MAD1L1: variants seen among roughly 807,000 people sequenced by gnomAD.
The protein encoded by MAD1L1 is mitotic spindle assembly checkpoint protein MAD1.
A neutral mutation model predicts 96.9 loss-of-function variants in MAD1L1; 95 were observed. That is an observed-to-expected ratio of 0.98 (90% CI 0.83 to 1.16). MAD1L1 has a LOEUF of 1.16. Among genes scored for constraint, MAD1L1 ranks in the 50% most tolerant of loss-of-function variants. MAD1L1 has a pLI of 0.00. For missense variants in MAD1L1, 1,007 were observed against 954.4 expected (o/e 1.06, Z -0.73); for synonymous variants, 473 against 396.6 (o/e 1.19, Z -2.29).
intron 12 of MAD1L1, among the ~76,000 whole-genome samples, chr7:2,025,768 T>C (rs968532103): frequency 6.6e-6 from 1 of 152,204 alleles, no homozygotes; most frequent in Non-Finnish European, 1.5e-5. Context: ...GACCCTTGGA[T>C]TGTCTAGAAG....
chr7:1,921,712 A>G (rs1255815527), intron 17 of MAD1L1, among the ~76,000 whole-genome samples: 1 of 152,246 alleles, frequency 6.6e-6, no homozygotes, highest in East Asian at 1.9e-4. Flanking sequence ...AAAAAAACAA[A>G]AGATCTGAAT....
At chr7:2,083,306 C>CG (rs751109730) in intron 11 of MAD1L1, among the ~76,000 whole-genome samples, 87 of 152,328 alleles carry the variant, frequency 5.7e-4, no homozygotes, top group African/African-American at 2.0e-3. Context: ...CCGTGCCGGG[C>CG]GGGGGGCTTG....
At chr7:1,924,410 G>A (rs1788980105) in intron 17 of MAD1L1, among the ~76,000 whole-genome samples, 1 of 152,178 alleles carries the variant, frequency 6.6e-6, no homozygotes, top group African/African-American at 2.4e-5. Context: ...GAGGGGAAAG[G>A]GGAGATTTCT....
intron 13 of MAD1L1, among the ~76,000 whole-genome samples, chr7:2,006,594 A>C (rs1782040285): frequency 6.6e-6 from 1 of 151,394 alleles, no homozygotes; most frequent in South Asian, 2.1e-4. Flanking sequence ...CCAGCACAGA[A>C]GAGAGAGGAC....
intron 10 of MAD1L1, among the ~76,000 whole-genome samples, chr7:2,169,429 A>C (rs954677676): frequency 6.7e-4 from 102 of 152,246 alleles, no homozygotes; most frequent in Non-Finnish European, 1.2e-3. Context: ...CAAGGAAAAA[A>C]AGTATTTAGG....
At chr7:1,986,060 A>G (rs1781125179) in intron 14 of MAD1L1, among the ~76,000 whole-genome samples, 1 of 152,136 alleles carries the variant, frequency 6.6e-6, no homozygotes, top group South Asian at 2.1e-4. Flanking sequence ...TTTACTGCTC[A>G]CTGCTGAAGA....
intron 17 of MAD1L1, among the ~76,000 whole-genome samples, chr7:1,907,395 T>G (rs1425730468): frequency 6.6e-6 from 1 of 152,236 alleles, no homozygotes; most frequent in East Asian, 1.9e-4. Flanking sequence ...CATTTTTCTT[T>G]CTAAACAATG....
At chr7:2,134,133 C>T (rs1788645661) in intron 11 of MAD1L1, among the ~76,000 whole-genome samples, 1 of 152,216 alleles carries the variant, frequency 6.6e-6, no homozygotes, top group African/African-American at 2.4e-5. Flanking sequence ...TTGACTCCTC[C>T]TACCCGTGAA....
At chr7:2,145,463 A>G (rs529224756) in intron 11 of MAD1L1, among the ~76,000 whole-genome samples, 3 of 152,354 alleles carry the variant, frequency 2.0e-5, no homozygotes, top group Admixed American at 1.3e-4. Flanking sequence ...ATTCAGACAG[A>G]AACTTCAGTC....
intron 17 of MAD1L1, among the ~76,000 whole-genome samples, chr7:1,904,155 T>C (rs1242218832): frequency 6.2e-5 from 9 of 144,136 alleles, no homozygotes; most frequent in South Asian, 2.2e-4. Context: ...CAGTGGCCTA[T>C]GGAAGACGCT....
chr7:1,852,263 C>T (rs1418842559), intron 18 of MAD1L1, among the ~76,000 whole-genome samples: 7 of 152,178 alleles, frequency 4.6e-5, no homozygotes, highest in Admixed American at 2.6e-4. Context: ...TCAGGGATGA[C>T]GGCAGCTGGG....
chr7:1,908,088 T>C lies in MAD1L1; in HGVS notation c.1808-9698A>G, dbSNP rs367678867. Among the ~76,000 whole-genome samples, 17 of 152,310 alleles carry C rather than the reference T, an allele frequency of 1.1e-4. No homozygotes were observed. In the East Asian group the frequency reaches 2.3e-3, roughly 21 times the overall value. On this transcript the variant is annotated intron_variant, in intron 17 of 18. Coordinates refer to ENST00000265854, the MANE Select transcript of MAD1L1 (RefSeq NM_001013836.2). ...GTTTGCCCACACACGGTCCCAACGA[T>C]GTAGCACAGCCTGGGCACAGCACCT...
chr7:2,108,925 G>A (rs1234475705), intron 11 of MAD1L1, among the ~76,000 whole-genome samples: 2 of 152,228 alleles, frequency 1.3e-5, no homozygotes, highest in Non-Finnish European at 2.9e-5. Context: ...CTGGGGAAGT[G>A]CAGGGCCCCC....
At chr7:2,219,479 A>G (rs1346200678) in intron 5 of MAD1L1, 23 bp from the exon 6 acceptor site, 2 of 1,610,578 alleles carry the variant, frequency 1.2e-6, no homozygotes, top group Admixed American at 1.7e-5. Context: ...GGGACCAGAG[A>G]GCCGCTCAGT....
At chr7:1,891,583 CTTATTA>C (rs1562495950) in intron 18 of MAD1L1, among the ~76,000 whole-genome samples, 2 of 151,912 alleles carry the variant, frequency 1.3e-5, no homozygotes, top group African/African-American at 2.4e-5. Flanking sequence ...AAACTTTATT[CTTATTA>C]TTATTAGAGA....
At chr7:2,141,112 C>T (rs1008402610) in intron 11 of MAD1L1, among the ~76,000 whole-genome samples, 1 of 152,242 alleles carries the variant, frequency 6.6e-6, no homozygotes, top group East Asian at 1.9e-4. Context: ...ACGCTGGACC[C>T]GGCCCCGTCA....
At chr7:2,104,803 C>A (rs1787003274) in intron 11 of MAD1L1, among the ~76,000 whole-genome samples, 1 of 152,240 alleles carries the variant, frequency 6.6e-6, no homozygotes, top group Non-Finnish European at 1.5e-5. Context: ...GCACAGGTCA[C>A]ATAAATCACT....
At chr7:1,852,449 G>A (rs1784027875) in intron 18 of MAD1L1, among the ~76,000 whole-genome samples, 1 of 152,168 alleles carries the variant, frequency 6.6e-6, no homozygotes, top group Non-Finnish European at 1.5e-5. Flanking sequence ...GGGGAGTCCA[G>A]GCTCAGGATC....
chr7:2,142,214 C>T lies in MAD1L1; in HGVS notation c.1073+6938G>A, dbSNP rs1034320582. ...AAGGGCCCACACTAGCCAAACTAAC[C>T]CGAGCAGCCTTCGCCAAAGAACAAG... On this transcript the variant is annotated intron_variant, in intron 11 of 18. Coordinates refer to ENST00000265854, the MANE Select transcript of MAD1L1 (RefSeq NM_001013836.2). The surrounding 1 kb of genome is among the most constrained non-coding windows in gnomAD (Gnocchi z 4.7). Among the ~76,000 whole-genome samples, 2 of 152,230 alleles carry T rather than the reference C, an allele frequency of 1.3e-5. No homozygotes were observed. The highest frequency in any genetic ancestry group is 4.8e-5 in the African/African-American group (2 of 41,464).
Sources: gnomAD v4.1 joint callset for allele counts (sites outside exome capture counted in the v4.1 genomes callset) on GRCh38, gnomAD v4.1.1 for gene constraint, Gnocchi (gnomAD v3.1) non-coding constraint, MANE v1.5 for transcripts, NCBI Gene and HGNC (gene_info 2026-07-23, HGNC 2026-07-21) for gene names.